VAC14: variants seen among roughly 807,000 people sequenced by gnomAD.
VAC14 encodes the protein protein VAC14 homolog.
A neutral mutation model predicts 85.3 loss-of-function variants in VAC14; 47 were observed. That is an observed-to-expected ratio of 0.55 (90% CI 0.44 to 0.70). The LOEUF (loss-of-function observed/expected upper bound fraction) is 0.70. Ranked by LOEUF, VAC14 falls within the 30% of genes least tolerant of loss-of-function variation. VAC14 has a pLI of 0.00. For missense variants in VAC14, 861 were observed against 1,004.3 expected (o/e 0.86, Z 1.93); for synonymous variants, 447 against 430.5 (o/e 1.04, Z -0.47).
chr16:70,703,734 C>T (rs2053872336), intron 14 of VAC14, among the ~76,000 whole-genome samples: 1 of 152,186 alleles, frequency 6.6e-6, no homozygotes, highest in Admixed American at 6.5e-5. Context: ...GGTTTCTCTG[C>T]CACATACCCA....
At chr16:70,734,494 G>T (rs1008245955) in intron 13 of VAC14, among the ~76,000 whole-genome samples, 1 of 152,138 alleles carries the variant, frequency 6.6e-6, no homozygotes, top group Non-Finnish European at 1.5e-5. Flanking sequence ...AGCCCAATGT[G>T]TCTATTTTTT....
At chr16:70,691,371 T>G (rs994860926) in intron 18 of VAC14, 1 of 985,398 alleles carries the variant, frequency 1.0e-6, no homozygotes, top group Non-Finnish European at 1.2e-6. Flanking sequence ...CACCTTCCCC[T>G]CCTGGGTGCC....
chr16:70,720,771 CATGTTGGGGCT>C (rs1386142205), intron 14 of VAC14, among the ~76,000 whole-genome samples: 1 of 152,236 alleles, frequency 6.6e-6, no homozygotes, highest in Admixed American at 6.5e-5. Flanking sequence ...CCGATGGCCC[CATGTTGGGGCT>C]ATCCGCCCAT....
At chr16:70,697,388 CT>C in intron 15 of VAC14, 131 bp from the exon 16 acceptor site, 1 of 663,518 alleles carries the variant, frequency 1.5e-6, no homozygotes, top group Non-Finnish European at 2.6e-6. Flanking sequence ...CCAGAGCCAG[CT>C]TAGCACCCCG....
intron 18 of VAC14, chr16:70,690,794 T>C (rs1167668034): frequency 3.0e-6 from 3 of 985,462 alleles, no homozygotes; most frequent in African/African-American, 3.5e-5. Context: ...CCAGCTGTTC[T>C]GAAGTCCCCT....
intron 1 of VAC14, among the ~76,000 whole-genome samples, chr16:70,790,776 A>G (rs2034299732): frequency 6.6e-6 from 1 of 152,086 alleles, no homozygotes; most frequent in South Asian, 2.1e-4. Flanking sequence ...ACCCCAGGCC[A>G]CTACAAAAAT....
chr16:70,687,952 G>A lies in VAC14; in HGVS notation c.2325C>T (p.His775=). The A allele has an allele frequency of 1.3e-6, 2 of 1,578,038 alleles. No individual in the cohort carries two copies. Among genetic ancestry groups the A allele is most frequent in the Non-Finnish European group, 1.7e-6 (2 of 1,159,356 alleles). ...GTCAGAGGACAACCCTCCGGTCCAGGTGGTCCCCACGCCCGCTCCGCTGGT... is the reference window on the plus strand; with the variant it reads ...GTCAGAGGACAACCCTCCGGTCCAGATGGTCCCCACGCCCGCTCCGCTGGT... ...VRHQRSGRGD[H]LDRRVVL is the part of the protein sequence containing the mutation. Residue 775 remains histidine, a synonymous_variant, in exon 19 of 19, where the codon CAC becomes CAT. Transcript: ENST00000261776.
chr16:70,785,836 G>T lies in VAC14; in HGVS notation c.289C>A (p.Pro97Thr). 1 of 1,604,860 alleles carries T rather than the reference G, an allele frequency of 6.2e-7. No individual in the cohort carries two copies. Residue 97 changes from proline to threonine, a missense_variant, in exon 3 of 19, where the codon CCA becomes ACA. By Grantham distance (38) the Pro-to-Thr change is conservative. This residue lies in a region of VAC14 where 629 missense variants were observed against 703.1 expected (regional missense o/e 0.89). Coordinates refer to ENST00000261776, the MANE Select transcript of VAC14 (RefSeq NM_018052.5). ...SGLYLKELIE[P>T]VLTCFNDADS... ...GCATCATTGAAGCAGGTCAGCACTG[G>T]CTCGATCAGCTCCTTCAGGTAGAGC... is the stretch of plus-strand genomic sequence containing the variant.
At chr16:70,727,082 CTCTG>C (rs1378426539) in intron 14 of VAC14, among the ~76,000 whole-genome samples, 1 of 152,236 alleles carries the variant, frequency 6.6e-6, no homozygotes, top group African/African-American at 2.4e-5. Flanking sequence ...CTCCCGATGC[CTCTG>C]TCTTTCTATA....
At chr16:70,703,100 C>T (rs767106001) in intron 14 of VAC14, among the ~76,000 whole-genome samples, 7 of 152,332 alleles carry the variant, frequency 4.6e-5, no homozygotes, top group East Asian at 1.9e-4. Flanking sequence ...TGTCCCTGCC[C>T]GGCGGAGGCC....
rs181980153 is a variant in VAC14, at chr16:70,687,566, T to G, written c.*362A>C. ...ACACACAGGCATGTGTTCACGTATG[T>G]ATACATATACACACAAGGCCAGAGC... is the stretch of plus-strand genomic sequence containing the variant. On this transcript the variant is annotated 3_prime_UTR_variant, in exon 19 of 19. Transcript: ENST00000261776. The G allele has an allele frequency of 6.5e-4, 125 of 191,034 alleles. No homozygotes were observed. In the East Asian group the frequency reaches 0.012, roughly 18 times the overall value. The allele number at this position is 191,034 out of a possible 1,614,324, so 11.8% of individuals were successfully genotyped here. A position where few individuals can be genotyped will look rare whatever the true frequency, so the allele number is the denominator to read the frequency against.
At chr16:70,725,692 C>A (rs906100714) in intron 14 of VAC14, among the ~76,000 whole-genome samples, 1 of 152,196 alleles carries the variant, frequency 6.6e-6, no homozygotes, top group Admixed American at 6.5e-5. Context: ...CCAGAATGAA[C>A]CGGAAGCCTT....
chr16:70,755,070 G>T (rs768139849), intron 12 of VAC14: 1 of 194,334 alleles, frequency 5.1e-6, no homozygotes, highest in Non-Finnish European at 1.1e-5. Context: ...GCCTGGTCCC[G>T]TGGAGAGCCG....
chr16:70,754,452 G>T (rs2031661398), intron 12 of VAC14, among the ~76,000 whole-genome samples: 6 of 152,208 alleles, frequency 3.9e-5, no homozygotes, highest in Admixed American at 3.3e-4. Context: ...AAGGCTCAGG[G>T]CCGTGGCTGG....
chr16:70,720,410 G>A (rs2054260686), intron 14 of VAC14, among the ~76,000 whole-genome samples: 2 of 152,196 alleles, frequency 1.3e-5, no homozygotes, highest in South Asian at 4.1e-4. Context: ...TGATCAGGAC[G>A]AGGAAAGAAG....
chr16:70,787,939 G>T (rs1039224652), intron 1 of VAC14, among the ~76,000 whole-genome samples: 1 of 152,232 alleles, frequency 6.6e-6, no homozygotes, highest in African/African-American at 2.4e-5. Flanking sequence ...GACAGGAAGC[G>T]TGAGGGATGA....
intron 14 of VAC14, among the ~76,000 whole-genome samples, chr16:70,705,337 G>A (rs1216166133): frequency 6.6e-6 from 1 of 152,236 alleles, no homozygotes; most frequent in Non-Finnish European, 1.5e-5. Context: ...AGGAGAGGCC[G>A]AGGGCCCAGG....
intron 1 of VAC14, among the ~76,000 whole-genome samples, chr16:70,791,448 G>A (rs1255789878): frequency 1.3e-5 from 2 of 152,004 alleles, no homozygotes; most frequent in African/African-American, 4.8e-5. Context: ...GCAGTGGTGC[G>A]ATCTCGGCTC....
In VAC14 at chr16:70,763,128, T is replaced by C. The variant is rs1180308324; in HGVS notation, c.1161-103A>G. ...GGCCTGCACATCCTGAGTCACACAC[T>C]GCTAACCACCGTCTAGGGGGATCGG... On this transcript the variant is annotated intron_variant, in intron 10 of 18. Transcript: ENST00000261776. The C allele has an allele frequency of 1.9e-5, 29 of 1,526,234 alleles. No homozygotes were observed. In the Admixed American group the frequency reaches 4.7e-4, roughly 25 times the overall value. The allele number at this position is 1,526,234 out of a possible 1,614,324, so 94.5% of individuals were successfully genotyped here. A position where few individuals can be genotyped will look rare whatever the true frequency, so the allele number is the denominator to read the frequency against.
Sources: allele counts gnomAD v4.1 joint callset (sites outside exome capture counted in the v4.1 genomes callset), GRCh38; gene constraint gnomAD v4.1.1; regional missense constraint gnomAD v4.1.1; transcripts MANE v1.5; gene names NCBI Gene and HGNC (gene_info 2026-07-23, HGNC 2026-07-21).